The following CRB1 variants were observed in gnomAD, a reference collection of about 807,000 sequenced individuals.
CRB1 encodes the protein crumbs cell polarity complex component 1, also known as protein crumbs homolog 1.
CRB1 carries 83 observed loss-of-function variants against 120.0 expected under a neutral mutation model. That is an observed-to-expected ratio of 0.69 (90% CI 0.58 to 0.83). CRB1 has a LOEUF of 0.83. Ranked by LOEUF, CRB1 falls within the 40% of genes least tolerant of loss-of-function variation. CRB1 has a pLI of 0.00. For missense variants in CRB1, 1,699 were observed against 1,687.6 expected, an observed-to-expected ratio of 1.01 and a Z score of -0.12; for synonymous variants, 625 against 612.5, an observed-to-expected ratio of 1.02 and a Z score of -0.30.
chr1:197,268,947 C>T (rs1299864219), intron 1 of CRB1, among the ~76,000 whole-genome samples: 2 of 152,180 alleles, frequency 1.3e-5, no homozygotes, highest in East Asian at 1.9e-4. Context: ...GGGATAGTCT[C>T]AATGTTTCCC....
At chr1:197,394,541 A>G (rs1436804317) in intron 5 of CRB1, among the ~76,000 whole-genome samples, 1 of 152,060 alleles carries the variant, frequency 6.6e-6, no homozygotes, top group Non-Finnish European at 1.5e-5. Context: ...AAAACTACCT[A>G]CATTCACAAT....
At chr1:197,298,664 T>C (rs1006784875) in intron 1 of CRB1, among the ~76,000 whole-genome samples, 3 of 152,108 alleles carry the variant, frequency 2.0e-5, no homozygotes, top group African/African-American at 4.8e-5. Flanking sequence ...GCTATAACAA[T>C]TTTAAAAGGA....
chr1:197,468,179 C>A (rs1218128572), intron 11 of CRB1, among the ~76,000 whole-genome samples: 2 of 152,096 alleles, frequency 1.3e-5, no homozygotes, highest in African/African-American at 4.8e-5. Flanking sequence ...ATTCTCCCAG[C>A]AACTTCCTTT....
chr1:197,261,457 C>T, the CRB1 span, among the ~76,000 whole-genome samples: 3 of 152,202 alleles, frequency 2.0e-5, no homozygotes, highest in African/African-American at 4.8e-5. Context: ...ATCTTCAAGA[C>T]ACGCTGTTGA....
In CRB1 at chr1:197,435,280, G is replaced by T. The variant is rs368757240; in HGVS notation, c.3417G>T (p.Gln1139His). 1 of 1,613,872 alleles carries T rather than the reference G, an allele frequency of 6.2e-7. No individual in the cohort carries two copies. The highest frequency in any genetic ancestry group is 8.5e-7 in the Non-Finnish European group (1 of 1,179,838). The change falls in exon 9 of 12, where the codon CAG becomes CAT. Residue 1139 changes from glutamine (Q) to histidine (H), a missense_variant. Coordinates refer to ENST00000367400, the MANE Select transcript of CRB1 (RefSeq NM_201253.3). ...ATTCAGTGGTCACTGGCTGTTTGCA[G>T]TTAAATGTCTGCAACTCCAACCCCT... The part of the protein sequence containing the change: ...STNSVVTGCL[Q>H]LNVCNSNPCL...
At chr1:197,235,734 G>C in the CRB1 span, among the ~76,000 whole-genome samples, 1 of 152,200 alleles carries the variant, frequency 6.6e-6, no homozygotes, top group Admixed American at 6.5e-5. Context: ...AGAGTGGTTT[G>C]TTAAGGAGCA....
At chr1:197,375,492 G>T (rs1407012543) in intron 5 of CRB1, among the ~76,000 whole-genome samples, 1 of 152,070 alleles carries the variant, frequency 6.6e-6, no homozygotes, top group Admixed American at 6.6e-5. Context: ...GAGATGGCCT[G>T]GGTAGAATGG....
the CRB1 span, among the ~76,000 whole-genome samples, chr1:197,212,818 A>C: frequency 6.6e-6 from 1 of 152,176 alleles, no homozygotes; most frequent in Non-Finnish European, 1.5e-5. Flanking sequence ...ACAATGAAAC[A>C]AAACAATAGA....
the CRB1 span, among the ~76,000 whole-genome samples, chr1:197,227,230 T>C: frequency 1.3e-5 from 2 of 152,138 alleles, no homozygotes; most frequent in Non-Finnish European, 2.9e-5. Flanking sequence ...CCTATGAGCC[T>C]GTAAAATCAA....
chr1:197,415,719 T>A (rs1663962019), intron 5 of CRB1, among the ~76,000 whole-genome samples: 1 of 143,666 alleles, frequency 7.0e-6, no homozygotes. Flanking sequence ...CTCGGCTCAC[T>A]GCGAGCTCCG....
chr1:197,444,006 A>T (rs146492913), intron 11 of CRB1: 2 of 152,310 alleles, frequency 1.3e-5, no homozygotes, highest in Admixed American at 1.3e-4. Flanking sequence ...ATATACGTCT[A>T]TGACTTTAGG....
chr1:197,441,944 G>T, intron 10 of CRB1: 1 of 582,212 alleles, frequency 1.7e-6, no homozygotes, highest in Non-Finnish European at 3.0e-6. Flanking sequence ...AATTCCGTGT[G>T]TATATGTATA....
At chr1:197,418,771 C>G (rs1046400630) in intron 5 of CRB1, among the ~76,000 whole-genome samples, 10 of 152,092 alleles carry the variant, frequency 6.6e-5, no homozygotes, top group African/African-American at 2.4e-4. Context: ...GAATACAAGC[C>G]AGGTACTATG....
intron 11 of CRB1, among the ~76,000 whole-genome samples, chr1:197,451,383 C>G (rs980682833): frequency 6.6e-6 from 1 of 152,072 alleles, no homozygotes; most frequent in Non-Finnish European, 1.5e-5. Flanking sequence ...AATAATTGGC[C>G]GAGATCACCT....
the CRB1 span, among the ~76,000 whole-genome samples, chr1:197,259,255 A>G: frequency 1.3e-5 from 2 of 152,262 alleles, no homozygotes; most frequent in African/African-American, 2.4e-5. Context: ...GCTATTCACA[A>G]TAGCAAAGGC....
At chr1:197,417,053 C>G (rs574036489) in intron 5 of CRB1, among the ~76,000 whole-genome samples, 1 of 152,272 alleles carries the variant, frequency 6.6e-6, no homozygotes, top group Non-Finnish European at 1.5e-5. Flanking sequence ...TCTTCAGAGG[C>G]AATTTGAAGG....
At chr1:197,253,713 G>T in the CRB1 span, among the ~76,000 whole-genome samples, 1 of 152,036 alleles carries the variant, frequency 6.6e-6, no homozygotes, top group Non-Finnish European at 1.5e-5. Flanking sequence ...GCAAAGCAAA[G>T]AATCATTTGA....
intron 5 of CRB1, among the ~76,000 whole-genome samples, chr1:197,399,392 G>T (rs1419882473): frequency 6.6e-6 from 1 of 152,164 alleles, no homozygotes; most frequent in Non-Finnish European, 1.5e-5. Context: ...TAGGGTTGCA[G>T]CATTACACTG....
At chr1:197,294,201 T>C (rs1289802162) in intron 1 of CRB1, among the ~76,000 whole-genome samples, 1 of 151,860 alleles carries the variant, frequency 6.6e-6, no homozygotes, top group African/African-American at 2.4e-5. Context: ...TACAAAGAAC[T>C]CAAACAAATT....
Sources: gnomAD v4.1 joint callset for allele counts (sites outside exome capture counted in the v4.1 genomes callset) on GRCh38, gnomAD v4.1.1 for gene constraint, MANE v1.5 for transcripts, NCBI Gene and HGNC (gene_info 2026-07-23, HGNC 2026-07-21) for gene names.